Variants in EXO1 observed in about 807,000 individuals in gnomAD.
EXO1 encodes the protein exonuclease 1.
In EXO1, 69 loss-of-function variants were observed where a neutral mutation model predicts 84.5. The ratio of observed to expected loss-of-function variants is 0.82; its 90% CI spans 0.67 to 1.00. EXO1 has a LOEUF of 1.00. EXO1 is among the 50% of genes least tolerant of loss of function. EXO1 has a pLI of 0.00. For missense variants in EXO1, 1,045 were observed against 1,000.7 expected (o/e 1.04, Z -0.60); for synonymous variants, 373 against 366.1 (o/e 1.02, Z -0.21).
chr1:241,881,605 A>G (rs890767307), intron 13 of EXO1, among the ~76,000 whole-genome samples: 4 of 152,212 alleles, frequency 2.6e-5, no homozygotes, highest in Admixed American at 6.5e-5. Context: ...ACACGTGCGT[A>G]ACGCAGCGTT....
chr1:241,856,599 C>T (rs1203739308), intron 6 of EXO1, among the ~76,000 whole-genome samples: 1 of 152,000 alleles, frequency 6.6e-6, no homozygotes, highest in Admixed American at 6.6e-5. Flanking sequence ...ATAATTTTAT[C>T]AATACTGTGT....
chr1:241,887,275 T>C (rs1558150201), intron 15 of EXO1, among the ~76,000 whole-genome samples: 1 of 152,196 alleles, frequency 6.6e-6, no homozygotes, highest in Non-Finnish European at 1.5e-5. Context: ...TAGCTGGGAC[T>C]ACAGGCTTGT....
intron 12 of EXO1, 46 bp downstream of exon 12, chr1:241,872,324 C>T (rs773730174): frequency 3.8e-6 from 6 of 1,591,714 alleles, no homozygotes; most frequent in Non-Finnish European, 5.2e-6. Flanking sequence ...GTATTATGTA[C>T]TCTGTTGGTA....
chr1:241,878,721 T>G (rs1662551787), intron 12 of EXO1, 28 bp from the exon 13 acceptor site: 1 of 1,403,594 alleles, frequency 7.1e-7, no homozygotes, highest in African/African-American at 1.4e-5. Flanking sequence ...TCATACTTAC[T>G]TATTGTTTCT....
chr1:241,850,836 C>CTTTTTTTTTTT (rs10641736), intron 4 of EXO1, among the ~76,000 whole-genome samples: 2 of 105,086 alleles, frequency 1.9e-5, no homozygotes, highest in African/African-American at 3.7e-5. Context: ...CTCCTTTATT[C>CTTTTTTTTTTT]TTTTTTTTTT....
chr1:241,870,226 A>G (rs1322496075), intron 11 of EXO1, among the ~76,000 whole-genome samples: 3 of 152,210 alleles, frequency 2.0e-5, no homozygotes, highest in Non-Finnish European at 2.9e-5. Context: ...CTACTTTTCT[A>G]TAACTACAAC....
intron 3 of EXO1, among the ~76,000 whole-genome samples, 183 bp downstream of exon 3, chr1:241,849,399 A>G (rs923775389): frequency 6.6e-6 from 1 of 152,172 alleles, no homozygotes; most frequent in Non-Finnish European, 1.5e-5. Context: ...GAATCTCTGT[A>G]TAGAAAGGGC....
intron 8 of EXO1, among the ~76,000 whole-genome samples, chr1:241,859,442 A>C (rs1661249051): frequency 6.6e-6 from 1 of 152,216 alleles, no homozygotes; most frequent in South Asian, 2.1e-4. Context: ...AGAGTACACA[A>C]AATAATTAAA....
Position 241,881,957 on chromosome 1 carries a change from C to A in EXO1, c.2151C>A (p.Asp717Glu). ...TTAAGTTACTTGACAGTCAAAGTGA[C>A]CAGACCTCCAAGCTACGTTTATCTC... is the stretch of plus-strand genomic sequence containing the variant. ...CNIKLLDSQSDQTSKLRLSHF... is the reference protein window; with the variant it reads ...CNIKLLDSQSEQTSKLRLSHF... Residue 717 changes from aspartate to glutamate, a missense_variant, in exon 14 of 16, where the codon GAC (aspartate) becomes GAA (glutamate). Physicochemically the swap from Asp to Glu is conservative, Grantham distance 45. Transcript: ENST00000366548. The A allele has an allele frequency of 6.3e-7, 1 of 1,583,464 alleles. No homozygotes were observed. Among genetic ancestry groups the A allele is most frequent in the Non-Finnish European group, 8.7e-7 (1 of 1,154,348 alleles).
At chr1:241,881,023 C>CT (rs1347616476) in intron 13 of EXO1, among the ~76,000 whole-genome samples, 105 of 151,504 alleles carry the variant, frequency 6.9e-4, no homozygotes, top group African/African-American at 2.0e-3. Context: ...TTTTATTGCT[C>CT]TTTTGTTTTG....
intron 11 of EXO1, among the ~76,000 whole-genome samples, chr1:241,869,525 T>C (rs1030615106): frequency 1.2e-4 from 19 of 152,204 alleles, no homozygotes; most frequent in Non-Finnish European, 4.4e-5. Context: ...TTGCAAATTT[T>C]AGTTCATGCT....
At chr1:241,852,160 A>G (rs1660706928) in intron 4 of EXO1, 132 bp from the exon 5 acceptor site, 1 of 792,830 alleles carries the variant, frequency 1.3e-6, no homozygotes, top group Non-Finnish European at 2.0e-6. Flanking sequence ...TCCAATTCCT[A>G]TGAAAACATC....
chr1:241,867,020 C>A lies in EXO1; in HGVS notation c.1232C>A (p.Pro411Gln). The A allele has an allele frequency of 6.2e-7, 1 of 1,613,830 alleles. No individual in the cohort carries two copies. Among genetic ancestry groups the A allele is most frequent in the Non-Finnish European group, 8.5e-7 (1 of 1,179,808 alleles). Reference sequence around the variant, plus strand: ...ATTAGTACTAAAGGGTTAAATCTCCCAAGGAAATCATCCATTGTGAAAAGA... The same window carrying A: ...ATTAGTACTAAAGGGTTAAATCTCCAAAGGAAATCATCCATTGTGAAAAGA... ...RVISTKGLNLPRKSSIVKRPR... is the reference protein window; with the variant it reads ...RVISTKGLNLQRKSSIVKRPR... The change falls in exon 11 of 16, where the codon CCA becomes CAA. Residue 411 changes from proline (P) to glutamine (Q), a missense_variant. Physicochemically the swap from Pro to Gln is moderately conservative, Grantham distance 76 (BLOSUM62 -1). Transcript: ENST00000366548.
intron 12 of EXO1, among the ~76,000 whole-genome samples, chr1:241,876,390 T>C (rs1171168562): frequency 6.6e-6 from 1 of 151,844 alleles, no homozygotes; most frequent in African/African-American, 2.4e-5. Context: ...GAGACCAGCC[T>C]GGCCAACATA....
chr1:241,867,947 T>TA lies in EXO1; in HGVS notation c.1267+903dup, dbSNP rs925275562. ...TTTTAGAATTTAGCTTTTTAATTTCTAAAAAAAAAAAGGTCAGGCATGGTG... is the reference window on the plus strand; with the variant it reads ...TTTTAGAATTTAGCTTTTTAATTTCTAAAAAAAAAAAAGGTCAGGCATGGTG... On this transcript the variant is annotated intron_variant, in intron 11 of 15. Coordinates refer to ENST00000366548, the MANE Select transcript of EXO1 (RefSeq NM_130398.4). 7.7e-4 allele frequency among the ~76,000 whole-genome samples: 111 copies of TA among 144,566 alleles called. 1 individual carries two copies. The highest frequency in any genetic ancestry group is 1.2e-3 in the African/African-American group (49 of 39,576). 94.8% of individuals were successfully genotyped at this position (144,566 alleles called of 152,430 possible). A position where few individuals can be genotyped will look rare whatever the true frequency, so the allele number is the denominator to read the frequency against.
chr1:241,857,881 T>G (rs1047049351), intron 7 of EXO1, among the ~76,000 whole-genome samples: 1 of 152,214 alleles, frequency 6.6e-6, no homozygotes, highest in African/African-American at 2.4e-5. Flanking sequence ...TACTAACTTA[T>G]GTACTAAAGG....
intron 15 of EXO1, among the ~76,000 whole-genome samples, chr1:241,888,601 G>A (rs537072456): frequency 1.3e-5 from 2 of 152,342 alleles, no homozygotes; most frequent in South Asian, 4.1e-4. Flanking sequence ...ACTGTTGCTA[G>A]ACAGAAATTA....
At chr1:241,864,231 C>T (rs1661576227) in intron 10 of EXO1, among the ~76,000 whole-genome samples, 1 of 152,150 alleles carries the variant, frequency 6.6e-6, no homozygotes, top group South Asian at 2.1e-4. Flanking sequence ...TTTGTGAATT[C>T]TCCAATGTTG....
At chr1:241,881,093 T>C (rs887893533) in intron 13 of EXO1, among the ~76,000 whole-genome samples, 1 of 152,178 alleles carries the variant, frequency 6.6e-6, no homozygotes, top group African/African-American at 2.4e-5. Flanking sequence ...AGTGGTACAA[T>C]CTCGGCTCAC....
Sources: allele counts gnomAD v4.1 joint callset (sites outside exome capture counted in the v4.1 genomes callset), GRCh38; gene constraint gnomAD v4.1.1; transcripts MANE v1.5; gene names NCBI Gene and HGNC (gene_info 2026-07-23, HGNC 2026-07-21).